The following TTN variants were observed in gnomAD, a reference collection of about 807,000 sequenced individuals.
TTN encodes titin.
In TTN, 1,525 loss-of-function variants were observed where a neutral mutation model predicts 3,223.0. The ratio of observed to expected loss-of-function variants is 0.47; its 90% confidence interval spans 0.45 to 0.49. The LOEUF (loss-of-function observed/expected upper bound fraction) is 0.49. Among genes scored for constraint, TTN ranks in the 20% least tolerant of loss-of-function variants. The pLI is 0.00. For synonymous variants in TTN, 14,094 were observed against 15,161.0 expected (o/e 0.93, Z 5.17); for missense variants, 40,786 against 43,424.0 (o/e 0.94, Z 5.40).
At chr2:178,728,454 G>A in intron 66 of TTN, 46 bp downstream of exon 66, 1 of 1,585,516 alleles carries the variant, frequency 6.3e-7, no homozygotes, top group Non-Finnish European at 8.6e-7. Flanking sequence ...TGTTTACAAA[G>A]GACATACTAT....
At chr2:178,715,924 T>C in intron 88 of TTN, 150 bp from the exon 89 acceptor site, 2 of 710,116 alleles carry the variant, frequency 2.8e-6, no homozygotes, top group South Asian at 5.4e-5. Context: ...AAATGAAACC[T>C]AAATAGAAAA....
At position 178,568,181 on chromosome 2, in the gene TTN, G is replaced by T. The variant is rs766906797; in HGVS notation, c.77951C>A (p.Ala25984Asp). 1.9e-6 allele frequency: 3 copies of T among 1,613,438 alleles called. No individual in the cohort carries two copies. The South Asian group carries it at 3.3e-5, about 18-fold the overall frequency. The change falls in exon 326 of 363, where the codon GCT (alanine) becomes GAT (aspartate). Residue 25984 changes from alanine to aspartate, a missense_variant. Transcript: ENST00000589042. Reference sequence around the variant, plus strand: ...GCCTGGTTCTTTGTAGGGATATTGAGCTACAATTGGATCAGACTCTAAGGC... The same window carrying T: ...GCCTGGTTCTTTGTAGGGATATTGATCTACAATTGGATCAGACTCTAAGGC... ...SFALESDPIV[A>D]QYPYKEPGPP... is the part of the protein sequence containing the mutation.
intron 13 of TTN, among the ~76,000 whole-genome samples, chr2:178,786,900 A>G (rs1409790414): frequency 6.6e-6 from 1 of 152,186 alleles, no homozygotes; most frequent in Non-Finnish European, 1.5e-5. Flanking sequence ...TGAAACAAAT[A>G]TTATTTTCTC....
rs200359082 is a variant in TTN at position 178,729,696 on chromosome 2, G to A, written c.18557C>T (p.Thr6186Met). The part of the protein sequence containing the change: ...YVCEARNDAG[T>M]ASCSIELKVK... ...TTTGAGTTCAATGCTGCAGCTCGCC[G>A]TGCCTGCGTCATTTCGAGCTTCACA... The change falls in exon 63 of 363, where the codon ACG becomes ATG. Residue 6186 changes from threonine (T) to methionine (M), a missense_variant. Transcript: ENST00000589042. 9.0e-5 allele frequency: 145 copies of A among 1,613,590 alleles called. 1 individual carries two copies. The highest frequency in any genetic ancestry group is 6.7e-4 in the East Asian group (30 of 44,880).
rs183336802 is a variant in TTN, at chr2:178,759,099, T to C, written c.10188A>G (p.Glu3396=). 299 of 1,614,064 alleles carry C rather than the reference T, an allele frequency of 1.9e-4. No individual in the cohort carries two copies. Among genetic ancestry groups the C allele is most frequent in the South Asian group, 1.3e-3 (121 of 91,080 alleles). The change falls in exon 44 of 363, where the codon GAA becomes GAG. Residue 3396 remains glutamate, a synonymous_variant. Coordinates refer to ENST00000589042, the MANE Select transcript of TTN (RefSeq NM_001267550.2). The part of the protein sequence containing the change: ...PSRFFRMTQF[E]DTYQLEIAEA... ...CGGCAATTTCCAGTTGATAAGTGTC[T>C]TCAAATTGAGTCATTCTAAAGAACC...
rs794729566 is a variant in TTN at position 178,531,819 on chromosome 2, A to C, written c.104796T>G (p.Ser34932Arg). Reference protein sequence around the residue: ...KTSERKYEVLSQQPFTLDHAP... With the variant: ...KTSERKYEVLRQQPFTLDHAP... ...CATGGTCCAGTGTGAAAGGCTGCTG[A>C]CTCAAAACTTCATACTTCCTTTCTG... is the stretch of plus-strand genomic sequence containing the variant. The change falls in exon 358 of 363, where the codon AGT (serine) becomes AGG (arginine). Residue 34932 changes from serine to arginine, a missense_variant. Coordinates refer to ENST00000589042, the MANE Select transcript of TTN (RefSeq NM_001267550.2). 2.5e-6 allele frequency: 4 copies of C among 1,613,914 alleles called. No individual in the cohort carries two copies. Among genetic ancestry groups the C allele is most frequent in the Non-Finnish European group, 3.4e-6 (4 of 1,179,870 alleles).
chr2:178,720,562 C>T lies in TTN; in HGVS notation c.23200G>A (p.Val7734Ile), dbSNP rs749838164. 3.7e-6 allele frequency: 6 copies of T among 1,613,434 alleles called. No homozygotes were observed. The highest frequency in any genetic ancestry group is 4.2e-6 in the Non-Finnish European group (5 of 1,179,570). The change falls in exon 80 of 363, where the codon GTA (valine) becomes ATA (isoleucine). Residue 7734 changes from valine (V) to isoleucine (I), a missense_variant. Val to Ile is a conservative substitution (Grantham distance 29). Transcript: ENST00000589042. ...ACCTGCTTTCGATCTTTAACCCATA[C>T]TACTTCAAATGGGGGAGTTCCCGAA... ...EISGTPPFEV[V>I]WVKDRKQVRN...
intron 6 of TTN, among the ~76,000 whole-genome samples, chr2:178,798,119 A>G (rs921877148): frequency 6.6e-6 from 1 of 151,964 alleles, no homozygotes; most frequent in Non-Finnish European, 1.5e-5. Context: ...GTATTTTTCT[A>G]TTCATTTACC....
chr2:178,769,645 A>T, intron 37 of TTN, 34 bp downstream of exon 37: 1 of 1,315,720 alleles, frequency 7.6e-7, no homozygotes, highest in Non-Finnish European at 9.9e-7. Context: ...TTTTATATAT[A>T]TGTGTATATA....
chr2:178,539,688 T>A lies in TTN; in HGVS notation c.98377A>T (p.Ile32793Leu). The change falls in exon 352 of 363, where the codon ATA becomes TTA. Residue 32793 changes from isoleucine (I) to leucine (L), a missense_variant. Ile to Leu is a conservative substitution (Grantham distance 5). Transcript: ENST00000589042. ...KKAVYIKVRV[I>L]GSPNSPEGPL... ...CCTTCTGGACTGTTGGGACTTCCTA[T>A]CACCCTGACCTTGATGTAGACAGCC... 1 of 1,613,750 alleles carries A rather than the reference T, an allele frequency of 6.2e-7. No individual in the cohort carries two copies. The highest frequency in any genetic ancestry group is 1.1e-5 in the South Asian group (1 of 91,090).
Position 178,678,133 on chromosome 2 carries a change from G to A in TTN, c.33986C>T (p.Pro11329Leu), listed in dbSNP as rs999281378. 12 of 1,610,434 alleles carry A rather than the reference G, an allele frequency of 7.5e-6. No homozygotes were observed. Among genetic ancestry groups the A allele is most frequent in the Non-Finnish European group, 1.0e-5 (12 of 1,178,770 alleles). ...TPVPKKVEAP[P>L]PKVPKKREPV... ...GTTACAGATTAATGTACCTTTGGGT[G>A]GTGGTGCTTCCACTTTTTTCGGAAC... The change falls in exon 145 of 363, where the codon CCA (proline) becomes CTA (leucine). Residue 11329 changes from proline to leucine, a missense_variant. Coordinates refer to ENST00000589042, the MANE Select transcript of TTN (RefSeq NM_001267550.2).
At position 178,733,692 on chromosome 2, in the gene TTN, T is replaced by G; in HGVS notation, c.15697A>C (p.Ser5233Arg). 6.2e-7 allele frequency: 1 copy of G among 1,613,916 alleles called. No homozygotes were observed. Among genetic ancestry groups the G allele is most frequent in the African/African-American group, 1.3e-5 (1 of 75,060 alleles). Residue 5233 changes from serine to arginine, a missense_variant, in exon 53 of 363, where the codon AGT becomes CGT. Physicochemically the swap from Ser to Arg is moderately radical, Grantham distance 110. Transcript: ENST00000589042. ...AVLIIPDVQI[S>R]FGGKYTCLAE... ...AGGCACGTGTATTTGCCTCCAAAAC[T>G]AATCTGAACATCAGGGATTATCAAG...
intron 218 of TTN, among the ~76,000 whole-genome samples, chr2:178,643,081 A>G (rs945865259): frequency 7.9e-5 from 12 of 151,992 alleles, no homozygotes; most frequent in Non-Finnish European, 2.9e-5. Context: ...ATAGATTTGA[A>G]TGGTGAAAGA....
intron 245 of TTN, 42 bp downstream of exon 245, chr2:178,621,433 G>T: frequency 6.3e-7 from 1 of 1,596,028 alleles, no homozygotes; most frequent in Non-Finnish European, 8.5e-7. Flanking sequence ...TAGCAAGTGT[G>T]AATTGTTAGA....
At chr2:178,750,927 CA>C in intron 47 of TTN, 1 of 1,612,866 alleles carries the variant, frequency 6.2e-7, no homozygotes, top group Non-Finnish European at 8.5e-7. Flanking sequence ...AGAATTTCAC[CA>C]TATAAATGGT....
At position 178,572,488 on chromosome 2, in the gene TTN, A is replaced by G; in HGVS notation, c.73644T>C (p.Gly24548=). The G allele has an allele frequency of 6.2e-7, 1 of 1,612,490 alleles. No homozygotes were observed. The highest frequency in any genetic ancestry group is 8.5e-7 in the Non-Finnish European group (1 of 1,179,240). The part of the protein sequence containing the change: ...LTWDPPLLDG[G]SKIKNYIVEK... Reference sequence around the variant, plus strand: ...CAACAATATAGTTCTTGATTTTTGAACCTCCATCAAGGAGAGGTGGGTCCC... The same window carrying G: ...CAACAATATAGTTCTTGATTTTTGAGCCTCCATCAAGGAGAGGTGGGTCCC... Residue 24548 remains glycine, a synonymous_variant, in exon 326 of 363, where the codon GGT becomes GGC. Coordinates refer to ENST00000589042, the MANE Select transcript of TTN (RefSeq NM_001267550.2).
At chr2:178,613,305 C>A in intron 263 of TTN, 29 bp from the exon 264 acceptor site, 1 of 1,521,282 alleles carries the variant, frequency 6.6e-7, no homozygotes, top group South Asian at 1.2e-5. Context: ...GCATGTGTAT[C>A]ATCATGGTAA....
At chr2:178,748,999 A>T (rs754002825) in intron 47 of TTN, 2 of 1,612,534 alleles carry the variant, frequency 1.2e-6, no homozygotes, top group Non-Finnish European at 1.7e-6. Context: ...CTTTTTCTAC[A>T]TGTAATTTTT....
rs1367753576 is a variant in TTN at position 178,786,138 on chromosome 2, C to A, written c.2080G>T (p.Asp694Tyr). ...ACAGCTTCAGCCTTTTTTCCAACGT[C>A]CACCTGGAGACAAGGTTTCCAGAAT... The part of the protein sequence containing the change: ...EQIQVTHGKV[D>Y]VGKKAEAVAT... Residue 694 changes from aspartate to tyrosine, a missense_variant, in exon 14 of 363, where the codon GAC becomes TAC. Coordinates refer to ENST00000589042, the MANE Select transcript of TTN (RefSeq NM_001267550.2). The A allele has an allele frequency of 2.5e-6, 4 of 1,613,684 alleles. No individual in the cohort carries two copies. The South Asian group carries it at 4.4e-5, about 18-fold the overall frequency.
Sources: allele counts gnomAD v4.1 joint callset (sites outside exome capture counted in the v4.1 genomes callset), GRCh38; gene constraint gnomAD v4.1.1; transcripts MANE v1.5; gene names NCBI Gene and HGNC (gene_info 2026-07-23, HGNC 2026-07-21).